Variants in PTCHD1 observed in about 807,000 individuals in gnomAD.
PTCHD1 encodes patched domain-containing protein 1.
PTCHD1 carries 3 observed loss-of-function variants against 34.6 expected under a neutral mutation model. That is an observed-to-expected ratio of 0.09 (90% CI 0.04 to 0.22). The LOEUF (loss-of-function observed/expected upper bound fraction) is 0.22. Among genes scored for constraint, PTCHD1 ranks in the 10% least tolerant of loss-of-function variants. The probability of loss-of-function intolerance (pLI) is 1.00; values close to 1 mark genes in which losing one functional copy is unlikely to be tolerated. For synonymous variants in PTCHD1, 305 were observed against 283.1 expected, an observed-to-expected ratio of 1.08 and a Z score of -0.77; for missense variants, 504 against 685.5, an observed-to-expected ratio of 0.74 and a Z score of 2.96.
chrX:23,354,137 C>A (rs1451016245), intron 1 of PTCHD1, among the ~76,000 whole-genome samples: 1 of 110,944 alleles, frequency 9.0e-6, no homozygotes, highest in Non-Finnish European at 1.9e-5. Flanking sequence ...GAGATTCAGG[C>A]CGAGGAAGCG....
intron 1 of PTCHD1, among the ~76,000 whole-genome samples, chrX:23,367,828 C>A (rs1349480879): frequency 9.0e-6 from 1 of 111,646 alleles, no homozygotes; most frequent in Non-Finnish European, 1.9e-5. Context: ...GGACTGTCAC[C>A]TCAGGTCGGC....
At chrX:23,362,342 C>T (rs1053509544) in intron 1 of PTCHD1, among the ~76,000 whole-genome samples, 5 of 111,878 alleles carry the variant, frequency 4.5e-5, no homozygotes, top group African/African-American at 6.5e-5. Flanking sequence ...AGGCTTTGTT[C>T]GTTTCTTTTT....
rs970738069 is a variant in PTCHD1 at position 23,397,785 on chromosome X, G to C, written c.*3600G>C. 4.5e-5 allele frequency: 5 copies of C among 111,383 alleles called. No homozygotes were observed. Among genetic ancestry groups the C allele is most frequent in the African/African-American group, 1.6e-4 (5 of 30,552 alleles). 9.2% of individuals were successfully genotyped at this position (111,383 alleles called of 1,213,427 possible). On this transcript the variant is annotated 3_prime_UTR_variant, in exon 3 of 3. Coordinates refer to ENST00000379361, the MANE Select transcript of PTCHD1 (RefSeq NM_173495.3). ...TCTCCAGTGTCAATGACAGAGCTCAGCTGTGTCCATCACAAGAAAAGGTGG... is the reference window on the plus strand; with the variant it reads ...TCTCCAGTGTCAATGACAGAGCTCACCTGTGTCCATCACAAGAAAAGGTGG...
At chrX:23,343,956 G>A (rs930940740) in intron 1 of PTCHD1, among the ~76,000 whole-genome samples, 1 of 112,449 alleles carries the variant, frequency 8.9e-6, no homozygotes, top group African/African-American at 3.2e-5. Context: ...TTGTGGTATA[G>A]GCAAGTAGTC....
chrX:23,391,547 T>C (rs748941453), intron 2 of PTCHD1, among the ~76,000 whole-genome samples: 3 of 111,437 alleles, frequency 2.7e-5, no homozygotes, highest in Non-Finnish European at 5.6e-5. Flanking sequence ...TGCCCTGATA[T>C]TTGGGGAGGG....
rs1923162909 is a variant in PTCHD1 at position 23,403,096 on chromosome X, A to G, written c.*8911A>G. ...AGAAGTTCCTGAAATTGCATATTAC[A>G]TTGTAAAGTTTTGGGCTAAATCACA... On this transcript the variant is annotated 3_prime_UTR_variant, in exon 3 of 3. Coordinates refer to ENST00000379361, the MANE Select transcript of PTCHD1 (RefSeq NM_173495.3). 1 of 112,597 alleles carries G rather than the reference A, an allele frequency of 8.9e-6. No individual in the cohort carries two copies. Among genetic ancestry groups the G allele is most frequent in the Admixed American group, 9.4e-5 (1 of 10,651 alleles). The allele number at this position is 112,597 out of a possible 1,213,427, so 9.3% of individuals were successfully genotyped here. A position where few individuals can be genotyped will look rare whatever the true frequency, so the allele number is the denominator to read the frequency against.
At chrX:23,367,174 G>A (rs774413929) in intron 1 of PTCHD1, among the ~76,000 whole-genome samples, 9 of 112,028 alleles carry the variant, frequency 8.0e-5, no homozygotes, top group South Asian at 3.7e-4. Flanking sequence ...CAGGGCTTAC[G>A]TAATGCCCAG....
intron 1 of PTCHD1, among the ~76,000 whole-genome samples, chrX:23,345,098 T>C (rs1260890854): frequency 8.9e-6 from 1 of 111,919 alleles, no homozygotes; most frequent in Non-Finnish European, 1.9e-5. Context: ...TGAATTTTGA[T>C]CATTTAGTTC....
intron 1 of PTCHD1, among the ~76,000 whole-genome samples, chrX:23,358,964 G>A (rs928541517): frequency 8.9e-5 from 10 of 111,988 alleles, no homozygotes; most frequent in Non-Finnish European, 5.6e-5. Flanking sequence ...TTGTAGATGC[G>A]TGGTGTTATT....
intron 1 of PTCHD1, among the ~76,000 whole-genome samples, chrX:23,367,974 C>T (rs1359985439): frequency 1.8e-5 from 2 of 110,633 alleles, no homozygotes; most frequent in African/African-American, 6.6e-5. Flanking sequence ...TAACACTGCC[C>T]TCTTGCACTC....
chrX:23,394,310 A>AG lies in PTCHD1; in HGVS notation c.*125_*126insG, dbSNP rs1224006724. The AG allele has an allele frequency of 1.7e-5, 8 of 481,946 alleles. No homozygotes were observed. The African/African-American group carries it at 1.8e-4, about 11-fold the overall frequency. 39.7% of individuals were successfully genotyped at this position (481,946 alleles called of 1,213,427 possible). A position where few individuals can be genotyped will look rare whatever the true frequency, so the allele number is the denominator to read the frequency against. On this transcript the variant is annotated 3_prime_UTR_variant, in exon 3 of 3. Coordinates refer to ENST00000379361, the MANE Select transcript of PTCHD1 (RefSeq NM_173495.3). ...TAGGAAACAGGCATTGCCAAAAAAA[A>AG]AAAAAAAAAAAAAAGGAAAGGACAG...
rs1431830269 is a variant in PTCHD1 at position 23,403,349 on chromosome X, G to C, written c.*9164G>C. On this transcript the variant is annotated 3_prime_UTR_variant, in exon 3 of 3. Transcript: ENST00000379361. ...TAGGAAAAAGTATCCAAATGCTAGAGCACATAATGAGTTCAGCTTGGTCAG... is the reference window on the plus strand; with the variant it reads ...TAGGAAAAAGTATCCAAATGCTAGACCACATAATGAGTTCAGCTTGGTCAG... The C allele has an allele frequency of 8.9e-6, 1 of 112,080 alleles. No individual in the cohort carries two copies. Among genetic ancestry groups the C allele is most frequent in the East Asian group, 2.8e-4 (1 of 3,605 alleles). 9.2% of individuals were successfully genotyped at this position (112,080 alleles called of 1,213,427 possible).
chrX:23,394,409 G>GACACACACACAGAC lies in PTCHD1; in HGVS notation c.*235_*236insGACACACACACACA. The GACACACACACAGAC allele has an allele frequency of 1.9e-5, 4 of 208,355 alleles. No homozygotes were observed. The South Asian group carries it at 3.0e-4, about 15-fold the overall frequency. 17.2% of individuals were successfully genotyped at this position (208,355 alleles called of 1,213,427 possible). A position where few individuals can be genotyped will look rare whatever the true frequency, so the allele number is the denominator to read the frequency against. ...TGTTATGAGAATTCACACACACATAGACACACACACACACACACACACACA... is the reference window on the plus strand; with the variant it reads ...TGTTATGAGAATTCACACACACATAGACACACACACAGACACACACACACACACACACACACACA... On this transcript the variant is annotated 3_prime_UTR_variant, in exon 3 of 3. Transcript: ENST00000379361.
In PTCHD1 at chrX:23,402,633, G is replaced by GTT. The variant is rs1464047353; in HGVS notation, c.*8450_*8451dup. ...AATACACTCAAGTTCTCTTCCTATT[G>GTT]TTTATGATCCCATAATACAACCACC... On this transcript the variant is annotated 3_prime_UTR_variant, in exon 3 of 3. Transcript: ENST00000379361. 1 of 111,755 alleles carries GTT rather than the reference G, an allele frequency of 8.9e-6. No homozygotes were observed. The highest frequency in any genetic ancestry group is 1.9e-5 in the Non-Finnish European group (1 of 53,175). 9.2% of individuals were successfully genotyped at this position (111,755 alleles called of 1,213,427 possible).
At chrX:23,352,758 A>T (rs1239434756) in intron 1 of PTCHD1, among the ~76,000 whole-genome samples, 13 of 112,087 alleles carry the variant, frequency 1.2e-4, no homozygotes, top group Non-Finnish European at 2.3e-4. Flanking sequence ...ATGGTCTAAA[A>T]ACAGTGGCCT....
chrX:23,356,166 A>G (rs1273319680), intron 1 of PTCHD1, among the ~76,000 whole-genome samples: 1 of 112,044 alleles, frequency 8.9e-6, no homozygotes, highest in Non-Finnish European at 1.9e-5. Flanking sequence ...TGCCAAGGAG[A>G]TTGTACAAGA....
intron 1 of PTCHD1, chrX:23,351,287 A>T: frequency 1.2e-6 from 1 of 846,113 alleles, no homozygotes; most frequent in Admixed American, 2.3e-5. Flanking sequence ...CTGTTCACAC[A>T]AAAGATGTTG....
In PTCHD1 at chrX:23,394,450, A is replaced by C. The variant is rs79619554; in HGVS notation, c.*265A>C. ...CACACACACACACACACACACACAC[A>C]CCCTGGGAGACCTATAGTCTCTTAA... On this transcript the variant is annotated 3_prime_UTR_variant, in exon 3 of 3. Coordinates refer to ENST00000379361, the MANE Select transcript of PTCHD1 (RefSeq NM_173495.3). 54 of 291,829 alleles carry C rather than the reference A, an allele frequency of 1.9e-4. No homozygotes were observed. The East Asian group carries it at 2.9e-3, about 16-fold the overall frequency. The allele number at this position is 291,829 out of a possible 1,213,427, so 24.0% of individuals were successfully genotyped here.
At chrX:23,352,320 G>A (rs1921659976) in intron 1 of PTCHD1, among the ~76,000 whole-genome samples, 1 of 111,985 alleles carries the variant, frequency 8.9e-6, no homozygotes, top group Non-Finnish European at 1.9e-5. Context: ...ACAAGGGAAT[G>A]AGAAGAGGCT....
Sources: allele counts gnomAD v4.1 joint callset (sites outside exome capture counted in the v4.1 genomes callset), GRCh38; gene constraint gnomAD v4.1.1; transcripts MANE v1.5; gene names NCBI Gene and HGNC (gene_info 2026-07-23, HGNC 2026-07-21).